TIMMDC1: variants seen among roughly 807,000 people sequenced by gnomAD.
TIMMDC1 encodes translocase of inner mitochondrial membrane domain containing 1, also known as complex I assembly factor TIMMDC1, mitochondrial.
A neutral mutation model predicts 32.6 loss-of-function variants in TIMMDC1; 25 were observed. The ratio of observed to expected loss-of-function variants is 0.77; its 90% CI spans 0.56 to 1.07. The LOEUF (loss-of-function observed/expected upper bound fraction) is 1.07, where lower values mean the gene tolerates loss of function less well. Among genes scored for constraint, TIMMDC1 ranks in the 50% least tolerant of loss-of-function variants. The probability of loss-of-function intolerance (pLI) is 0.00; values close to 1 mark genes in which losing one functional copy is unlikely to be tolerated. For synonymous variants in TIMMDC1, 130 were observed against 127.6 expected, an observed-to-expected ratio of 1.02 and a Z score of -0.13; for missense variants, 329 against 349.2, an observed-to-expected ratio of 0.94 and a Z score of 0.46.
intron 4 of TIMMDC1, among the ~76,000 whole-genome samples, chr3:119,505,383 G>T (rs1478862392): frequency 1.3e-5 from 2 of 150,358 alleles, no homozygotes; most frequent in Non-Finnish European, 3.0e-5. Flanking sequence ...TTTTTTTTGA[G>T]ATGGAGTTTT....
At chr3:119,503,671 G>C (rs759116184) in intron 3 of TIMMDC1, 51 bp downstream of exon 3, 3 of 1,441,122 alleles carry the variant, frequency 2.1e-6, no homozygotes, top group Non-Finnish European at 2.8e-6. Flanking sequence ...TATTGTTTTA[G>C]GAGTGTGTCT....
chr3:119,517,105 C>A, intron 5 of TIMMDC1, 100 bp from the exon 6 acceptor site: 1 of 663,798 alleles, frequency 1.5e-6, no homozygotes. Flanking sequence ...TAATAGTGAA[C>A]AAGTGGCTCT....
At chr3:119,502,002 C>T (rs1049461374) in intron 2 of TIMMDC1, among the ~76,000 whole-genome samples, 1 of 152,136 alleles carries the variant, frequency 6.6e-6, no homozygotes, top group Non-Finnish European at 1.5e-5. Flanking sequence ...CAGTGACTTG[C>T]TTAAGATGGC....
intron 1 of TIMMDC1, 161 bp downstream of exon 1, chr3:119,499,088 CTTTCTTTT>C: frequency 2.0e-6 from 1 of 492,814 alleles, no homozygotes; most frequent in Non-Finnish European, 3.4e-6. Flanking sequence ...TATCTTTTTT[CTTTCTTTT>C]TTTTTTTTTT....
intron 4 of TIMMDC1, among the ~76,000 whole-genome samples, chr3:119,511,303 C>A (rs1176527466): frequency 6.6e-6 from 1 of 151,608 alleles, no homozygotes; most frequent in Non-Finnish European, 1.5e-5. Context: ...CATGGTGAAA[C>A]CCTGTCTCTA....
intron 6 of TIMMDC1, among the ~76,000 whole-genome samples, chr3:119,519,048 C>T (rs1006073823): frequency 6.6e-6 from 1 of 152,180 alleles, no homozygotes; most frequent in Non-Finnish European, 1.5e-5. Flanking sequence ...AGAACTCCTA[C>T]ATCTGAATGC....
intron 1 of TIMMDC1, among the ~76,000 whole-genome samples, chr3:119,499,432 T>TTTC (rs2107725350): frequency 6.8e-6 from 1 of 146,946 alleles, no homozygotes; most frequent in Non-Finnish European, 1.5e-5. Flanking sequence ...TTTTTTTTTT[T>TTTC]TTCGAGACTG....
rs4389515 is a variant in TIMMDC1 at position 119,524,112 on chromosome 3, A to G, written c.*356A>G. The G allele has an allele frequency of 6.3e-6, 1 of 159,052 alleles. No homozygotes were observed. The highest frequency in any genetic ancestry group is 1.4e-5 in the Non-Finnish European group (1 of 72,418). The allele number at this position is 159,052 out of a possible 1,614,324, so 9.9% of individuals were successfully genotyped here. ...TATTCATGTGGTCCTTTGAAAGGGT[A>G]TTCTAGAAATCACTGGAAAGAGGAG... On this transcript the variant is annotated 3_prime_UTR_variant, in exon 7 of 7. Coordinates refer to ENST00000494664, the MANE Select transcript of TIMMDC1 (RefSeq NM_016589.4).
chr3:119,500,872 T>A lies in TIMMDC1; in HGVS notation c.360+12T>A, dbSNP rs371736974. 4 of 1,603,884 alleles carry A rather than the reference T, an allele frequency of 2.5e-6. No individual in the cohort carries two copies. The African/African-American group carries it at 5.4e-5, about 22-fold the overall frequency. ...GGTTTGATGCTGTGGTATGTACTGG[T>A]GATCTAAAGAAATTTGGGGCACACT... On this transcript the variant is annotated intron_variant, in intron 2 of 6. Transcript: ENST00000494664.
Position 119,503,625 on chromosome 3 carries a change from G to C in TIMMDC1, c.449+5G>C. 2 of 1,597,014 alleles carry C rather than the reference G, an allele frequency of 1.3e-6. No individual in the cohort carries two copies. Among genetic ancestry groups the C allele is most frequent in the Non-Finnish European group, 1.7e-6 (2 of 1,170,788 alleles). On this transcript the variant is annotated splice_donor_5th_base_variant and intron_variant, in intron 3 of 6. Coordinates refer to ENST00000494664, the MANE Select transcript of TIMMDC1 (RefSeq NM_016589.4). ...AGTGTTTGTGACTATATTCAAGTAA[G>C]TTCACTCTGAATTGTGAGATAGTGA...
chr3:119,513,768 A>G (rs542553120), intron 5 of TIMMDC1, 49 bp downstream of exon 5: 2 of 1,182,662 alleles, frequency 1.7e-6, no homozygotes, highest in South Asian at 2.9e-5. Context: ...TTTCATTAAT[A>G]CCTTGCCTAT....
At chr3:119,499,752 C>T (rs2081855636) in intron 1 of TIMMDC1, among the ~76,000 whole-genome samples, 1 of 152,188 alleles carries the variant, frequency 6.6e-6, no homozygotes, top group Non-Finnish European at 1.5e-5. Context: ...TTTATAGTAA[C>T]TTAATACTTA....
At chr3:119,509,930 C>T (rs1189113960) in intron 4 of TIMMDC1, among the ~76,000 whole-genome samples, 3 of 152,080 alleles carry the variant, frequency 2.0e-5, no homozygotes, top group East Asian at 1.9e-4. Flanking sequence ...GTGATCCGCC[C>T]GCCTCGGCCT....
chr3:119,507,912 C>T (rs1029397227), intron 4 of TIMMDC1, among the ~76,000 whole-genome samples: 1 of 152,066 alleles, frequency 6.6e-6, no homozygotes, highest in African/African-American at 2.4e-5. Flanking sequence ...TTTTTCCTCT[C>T]CTTTGGTGGG....
chr3:119,521,399 A>G (rs1419396704), intron 6 of TIMMDC1, among the ~76,000 whole-genome samples: 1 of 152,198 alleles, frequency 6.6e-6, no homozygotes, highest in Non-Finnish European at 1.5e-5. Flanking sequence ...TACTAAAAAT[A>G]CAAAAATTGT....
chr3:119,501,134 G>T (rs1334659520), intron 2 of TIMMDC1, among the ~76,000 whole-genome samples: 1 of 152,126 alleles, frequency 6.6e-6, no homozygotes, highest in African/African-American at 2.4e-5. Flanking sequence ...CTGCTAAATC[G>T]TCAAGGCTCA....
At position 119,505,952 on chromosome 3, in the gene TIMMDC1, G is replaced by A. The variant is rs115125360; in HGVS notation, c.517+1931G>A. Among the ~76,000 whole-genome samples the A allele has an allele frequency of 2.0e-3, 310 of 152,132 alleles. 1 individual carries two copies. The highest frequency in any genetic ancestry group is 6.9e-3 in the African/African-American group (288 of 41,516). The stretch of plus-strand genomic sequence containing the variant: ...CTTCAGGGGTACATGTACAGGATGT[G>A]TAAGTTTGTTACTTAGGTAAACGCG... On this transcript the variant is annotated intron_variant, in intron 4 of 6. Transcript: ENST00000494664.
chr3:119,517,648 G>A (rs1389864398), intron 6 of TIMMDC1, among the ~76,000 whole-genome samples: 1 of 152,160 alleles, frequency 6.6e-6, no homozygotes, highest in African/African-American at 2.4e-5. Flanking sequence ...TCACCAAGGA[G>A]TGAGCTTTAC....
At chr3:119,515,860 T>C (rs898424599) in intron 5 of TIMMDC1, among the ~76,000 whole-genome samples, 1 of 152,202 alleles carries the variant, frequency 6.6e-6, no homozygotes, top group Non-Finnish European at 1.5e-5. Flanking sequence ...TTTTTATTAG[T>C]TGGTATTTGT....
Sources: gnomAD v4.1 joint callset for allele counts (sites outside exome capture counted in the v4.1 genomes callset) on GRCh38, gnomAD v4.1.1 for gene constraint, MANE v1.5 for transcripts, NCBI Gene and HGNC (gene_info 2026-07-23, HGNC 2026-07-21) for gene names.